RBFOX3: variants seen among roughly 807,000 people sequenced by gnomAD.
RBFOX3 encodes the protein RNA binding protein fox-1 homolog 3.
A neutral mutation model predicts 48.7 loss-of-function variants in RBFOX3; 17 were observed. That is an observed-to-expected ratio of 0.35 (90% CI 0.24 to 0.52). The LOEUF (loss-of-function observed/expected upper bound fraction) is 0.52, where lower values mean the gene tolerates loss of function less well. Among genes scored for constraint, RBFOX3 ranks in the 20% least tolerant of loss-of-function variants. The pLI is 0.94. For synonymous variants in RBFOX3, 212 were observed against 209.5 expected, an observed-to-expected ratio of 1.01 and a Z score of -0.10; for missense variants, 382 against 497.5, an observed-to-expected ratio of 0.77 and a Z score of 2.21.
At position 79,157,423 on chromosome 17, in the gene RBFOX3, A is replaced by G. The variant is rs1020588863; in HGVS notation, c.-33-41675T>C. ...CCCCGTAAGGCCCCGGAATCTGATCAGGACCCTCCGAGGGAACCTGCCAAG... is the reference window on the plus strand; with the variant it reads ...CCCCGTAAGGCCCCGGAATCTGATCGGGACCCTCCGAGGGAACCTGCCAAG... On this transcript the variant is annotated intron_variant, in intron 4 of 14. Coordinates refer to ENST00000693108, the MANE Select transcript of RBFOX3 (RefSeq NM_001350451.2). Among the ~76,000 whole-genome samples the G allele has an allele frequency of 3.3e-5, 5 of 152,326 alleles. No homozygotes were observed. In the East Asian group the frequency reaches 9.6e-4, roughly 29 times the overall value.
At chr17:79,342,288 C>T (rs966881192) in intron 2 of RBFOX3, among the ~76,000 whole-genome samples, 3 of 152,178 alleles carry the variant, frequency 2.0e-5, no homozygotes, top group African/African-American at 2.4e-5. Flanking sequence ...CCTGACAAAC[C>T]GCCTTTTCTT....
At chr17:79,454,528 T>C (rs1368638956) in intron 2 of RBFOX3, among the ~76,000 whole-genome samples, 1 of 151,910 alleles carries the variant, frequency 6.6e-6, no homozygotes, top group East Asian at 1.9e-4. Context: ...CTCTAGCTAT[T>C]TGTAGGTCCT....
intron 1 of RBFOX3, among the ~76,000 whole-genome samples, chr17:79,519,398 A>G (rs897188935): frequency 1.3e-5 from 2 of 152,240 alleles, no homozygotes; most frequent in Non-Finnish European, 2.9e-5. Context: ...CCGGCTTTGC[A>G]GCCCACCCAG....
chr17:79,097,069 G>A (rs529662710), intron 11 of RBFOX3, among the ~76,000 whole-genome samples: 47 of 152,150 alleles, frequency 3.1e-4, no homozygotes, highest in Admixed American at 9.8e-4. Flanking sequence ...GGCTCTGAAT[G>A]TCCCCCTAAA....
intron 4 of RBFOX3, among the ~76,000 whole-genome samples, chr17:79,156,280 G>C (rs1806117346): frequency 6.6e-6 from 1 of 152,176 alleles, no homozygotes; most frequent in Non-Finnish European, 1.5e-5. Flanking sequence ...GGGGTTCCAT[G>C]GTGGCCACCC....
chr17:79,563,777 C>T (rs1164575195), intron 1 of RBFOX3, among the ~76,000 whole-genome samples: 1 of 152,144 alleles, frequency 6.6e-6, no homozygotes, highest in African/African-American at 2.4e-5. Context: ...GGTCTGAGGG[C>T]GTCTTGTCGC....
intron 1 of RBFOX3, among the ~76,000 whole-genome samples, chr17:79,555,306 GGTAGTT>G (rs1261028921): frequency 0.013 from 431 of 33,112 alleles, 118 homozygotes; most frequent in South Asian, 0.045. Context: ...TGGTGATGAT[GGTAGTT>G]GTGGTGGTGG....
chr17:79,110,703 G>C (rs1306761423), intron 5 of RBFOX3, among the ~76,000 whole-genome samples: 1 of 152,206 alleles, frequency 6.6e-6, no homozygotes, highest in Non-Finnish European at 1.5e-5. Flanking sequence ...TTCAGAGCCT[G>C]GTGGCACTGG....
At chr17:79,135,857 C>T (rs994623524) in intron 4 of RBFOX3, among the ~76,000 whole-genome samples, 2 of 152,192 alleles carry the variant, frequency 1.3e-5, no homozygotes, top group Admixed American at 6.5e-5. Context: ...CTCCCTAAGA[C>T]GCCAGCCAGG....
intron 2 of RBFOX3, among the ~76,000 whole-genome samples, chr17:79,451,526 G>C (rs112924082): frequency 0.011 from 1,725 of 152,346 alleles, 23 homozygotes; most frequent in Non-Finnish European, 0.016. Context: ...CCTGAATCAG[G>C]GGGTGAGGCC....
At chr17:79,375,911 A>G (rs1446834257) in intron 2 of RBFOX3, among the ~76,000 whole-genome samples, 1 of 152,222 alleles carries the variant, frequency 6.6e-6, no homozygotes, top group Non-Finnish European at 1.5e-5. Flanking sequence ...TTTGTGCTTC[A>G]GTTTCCTTGG....
At chr17:79,647,820 A>G in the RBFOX3 span, among the ~76,000 whole-genome samples, 1 of 151,732 alleles carries the variant, frequency 6.6e-6, no homozygotes, top group Admixed American at 6.6e-5. Context: ...CCCCACCCCC[A>G]ACTCACACCT....
At chr17:79,596,705 C>T (rs2093578690) in intron 1 of RBFOX3, among the ~76,000 whole-genome samples, 1 of 144,234 alleles carries the variant, frequency 6.9e-6, no homozygotes, top group African/African-American at 2.7e-5. Context: ...CAGCCCAATA[C>T]GGGAGATGGA....
chr17:79,560,680 G>A (rs1413954791), intron 1 of RBFOX3, among the ~76,000 whole-genome samples: 10 of 152,102 alleles, frequency 6.6e-5, no homozygotes, highest in African/African-American at 1.7e-4. Context: ...CCTCACCACA[G>A]CCAGAACACT....
At chr17:79,174,455 C>T (rs1002988903) in intron 4 of RBFOX3, among the ~76,000 whole-genome samples, 3 of 151,372 alleles carry the variant, frequency 2.0e-5, no homozygotes, top group Non-Finnish European at 4.4e-5. Context: ...ATATCACATA[C>T]GCCACATGCA....
chr17:79,284,654 C>T (rs2071436662), intron 3 of RBFOX3, among the ~76,000 whole-genome samples: 1 of 151,134 alleles, frequency 6.6e-6, no homozygotes, highest in African/African-American at 2.4e-5. Context: ...ATTCTCCGGC[C>T]TCAGCCTCCT....
chr17:79,552,408 T>A (rs1212272603), intron 1 of RBFOX3, among the ~76,000 whole-genome samples: 2 of 152,156 alleles, frequency 1.3e-5, no homozygotes, highest in African/African-American at 4.8e-5. Context: ...CTCTTCACAC[T>A]GCAACCTCAC....
intron 2 of RBFOX3, among the ~76,000 whole-genome samples, chr17:79,357,865 T>A (rs1012958155): frequency 4.6e-4 from 70 of 151,898 alleles, no homozygotes; most frequent in Admixed American, 2.6e-3. Flanking sequence ...TTCATTTTTT[T>A]AAAAAATCAG....
At chr17:79,304,873 C>T (rs149229801) in intron 3 of RBFOX3, among the ~76,000 whole-genome samples, 17 of 152,292 alleles carry the variant, frequency 1.1e-4, no homozygotes, top group African/African-American at 3.6e-4. Context: ...GCCGTGTTCT[C>T]GAGGCAGAGT....
Sources: gnomAD v4.1 joint callset for allele counts (sites outside exome capture counted in the v4.1 genomes callset) on GRCh38, gnomAD v4.1.1 for gene constraint, MANE v1.5 for transcripts, NCBI Gene and HGNC (gene_info 2026-07-23, HGNC 2026-07-21) for gene names.